The following KRT33A variants were observed in gnomAD, a reference collection of about 807,000 sequenced individuals.
The protein encoded by KRT33A is keratin 33A, also known as keratin, type I cuticular Ha3-I.
A neutral mutation model predicts 41.1 loss-of-function variants in KRT33A; 44 were observed. The ratio of observed to expected loss-of-function variants is 1.07; its 90% confidence interval spans 0.84 to 1.38. KRT33A has a LOEUF of 1.38. Ranked by LOEUF, KRT33A falls within the 40% of genes most tolerant of loss-of-function variation. The pLI is 0.00. For missense variants in KRT33A, 536 were observed against 518.5 expected, an observed-to-expected ratio of 1.03 and a Z score of -0.33; for synonymous variants, 229 against 227.8, an observed-to-expected ratio of 1.01 and a Z score of -0.05.
In KRT33A at chr17:41,346,209, G is replaced by T; in HGVS notation, c.1125C>A (p.Thr375=). The T allele has an allele frequency of 6.2e-7, 1 of 1,614,154 alleles. No homozygotes were observed. The highest frequency in any genetic ancestry group is 8.5e-7 in the Non-Finnish European group (1 of 1,180,016). ...CKLPSNPCAT[T]NACDKSTGPC... is the part of the protein sequence containing the mutation. The stretch of plus-strand genomic sequence containing the variant: ...GCCCAGTGGACTTGTCACATGCATT[G>T]GTTGTGGCGCAGGGGTTGGAGGGGA... Residue 375 remains threonine (T), a synonymous_variant, in exon 7 of 7, where the codon ACC becomes ACA. Transcript: ENST00000007735.
At position 41,346,578 on chromosome 17, in the gene KRT33A, A is replaced by T; in HGVS notation, c.967T>A (p.Ser323Thr). 3 of 1,613,966 alleles carry T rather than the reference A, an allele frequency of 1.9e-6. No individual in the cohort carries two copies. The highest frequency in any genetic ancestry group is 2.5e-6 in the Non-Finnish European group (3 of 1,179,976). Reference sequence around the variant, plus strand: ...TCACTGCGGATCTCCGCCAGCTGGGACTCCACGTTGGTGATCAGTCTCTGC... The same window carrying T: ...TCACTGCGGATCTCCGCCAGCTGGGTCTCCACGTTGGTGATCAGTCTCTGC... ...QVQRLITNVE[S>T]QLAEIRSDLE... Residue 323 changes from serine (S) to threonine (T), a missense_variant, in exon 6 of 7, where the codon TCC becomes ACC. By Grantham distance (58) the Ser-to-Thr change is moderately conservative (BLOSUM62 1). Coordinates refer to ENST00000007735, the MANE Select transcript of KRT33A (RefSeq NM_004138.4).
chr17:41,346,243 G>A lies in KRT33A; in HGVS notation c.1098-7C>T. The stretch of plus-strand genomic sequence containing the variant: ...GCAGGGGTTGGAGGGGAGCCTGTGG[G>A]CAGAAAATCATTGGAGCAAGTTAGA... On this transcript the variant is annotated splice_polypyrimidine_tract_variant and splice_region_variant and intron_variant, in intron 6 of 6. Transcript: ENST00000007735. The A allele has an allele frequency of 6.2e-7, 1 of 1,612,774 alleles. No homozygotes were observed. Among genetic ancestry groups the A allele is most frequent in the South Asian group, 1.1e-5 (1 of 91,060 alleles).
chr17:41,346,304 G>T (rs1238071452), intron 6 of KRT33A, 68 bp from the exon 7 acceptor site: 2 of 1,576,124 alleles, frequency 1.3e-6, no homozygotes, highest in Non-Finnish European at 1.7e-6. Flanking sequence ...AATACTAAAA[G>T]GGCTTTGTGT....
At chr17:41,348,661 G>A in intron 2 of KRT33A, 22 bp from the exon 3 acceptor site, 1 of 1,613,400 alleles carries the variant, frequency 6.2e-7, no homozygotes, top group Non-Finnish European at 8.5e-7. Flanking sequence ...GGAGGGTCAG[G>A]AACAGGCTGG....
intron 3 of KRT33A, 144 bp from the exon 4 acceptor site, chr17:41,347,366 A>G (rs192035866): frequency 2.0e-6 from 2 of 1,017,670 alleles, no homozygotes; most frequent in East Asian, 2.7e-5. Flanking sequence ...ATCTATATTC[A>G]ATGACTAATT....
At position 41,348,525 on chromosome 17, in the gene KRT33A, GGACTC is replaced by G. The variant is rs2017457162; in HGVS notation, c.541_545del (p.Glu181ProfsTer13). On this transcript the variant is annotated frameshift_variant, in exon 3 of 7. Coordinates refer to ENST00000007735, the MANE Select transcript of KRT33A (RefSeq NM_004138.4). LOFTEE classifies it high-confidence loss of function. The stretch of plus-strand genomic sequence containing the variant: ...TGAGGCACAGCAGCTCCTCCTTCAG[GGACTC>G]CACCTGGGCCTCCAGGTCAGACCTG... 6.2e-7 allele frequency: 1 copy of G among 1,613,728 alleles called. No individual in the cohort carries two copies. The highest frequency in any genetic ancestry group is 8.5e-7 in the Non-Finnish European group (1 of 1,179,994).
chr17:41,350,826 G>T lies in KRT33A; in HGVS notation c.-59C>A. ...GTCCAAAATCTCCAGGTTGTAGAGCGGTGGGTCTCCTTCCTCCAGGGAGCA... is the reference window on the plus strand; with the variant it reads ...GTCCAAAATCTCCAGGTTGTAGAGCTGTGGGTCTCCTTCCTCCAGGGAGCA... On this transcript the variant is annotated 5_prime_UTR_variant, in exon 1 of 7. Coordinates refer to ENST00000007735, the MANE Select transcript of KRT33A (RefSeq NM_004138.4). 1.3e-6 allele frequency: 2 copies of T among 1,539,538 alleles called. No homozygotes were observed. Among genetic ancestry groups the T allele is most frequent in the Non-Finnish European group, 1.8e-6 (2 of 1,140,040 alleles).
intron 3 of KRT33A, 40 bp downstream of exon 3, chr17:41,348,443 T>A: frequency 6.2e-7 from 1 of 1,611,670 alleles, no homozygotes; most frequent in Non-Finnish European, 8.5e-7. Flanking sequence ...GTGAAACAGG[T>A]CCTGGCTAGT....
intron 2 of KRT33A, among the ~76,000 whole-genome samples, chr17:41,348,994 T>C (rs147133049): frequency 7.9e-5 from 12 of 152,104 alleles, no homozygotes; most frequent in African/African-American, 2.4e-4. Flanking sequence ...AGCCAGTGGA[T>C]TTAGGATAAA....
intron 3 of KRT33A, among the ~76,000 whole-genome samples, 179 bp downstream of exon 3, chr17:41,348,304 G>C (rs1302659172): frequency 6.6e-6 from 1 of 152,216 alleles, no homozygotes; most frequent in Non-Finnish European, 1.5e-5. Flanking sequence ...GCCTCTGGCA[G>C]AAAAATCCTA....
chr17:41,349,515 G>C, intron 1 of KRT33A, 87 bp from the exon 2 acceptor site: 1 of 1,323,498 alleles, frequency 7.6e-7, no homozygotes. Context: ...TCCTTGGAAG[G>C]ATCAGGATGT....
rs780998728 is a variant in KRT33A, at chr17:41,350,378, C to T, written c.348+42G>A. ...CTCAATCACAACTCGGATTCTCTCC[C>T]GACAACTTCCTACTGGAGGCACTGT... On this transcript the variant is annotated intron_variant, in intron 1 of 6. Coordinates refer to ENST00000007735, the MANE Select transcript of KRT33A (RefSeq NM_004138.4). 1.1e-5 allele frequency: 17 copies of T among 1,593,916 alleles called. No homozygotes were observed. In the Admixed American group the frequency reaches 1.5e-4, roughly 14 times the overall value.
In KRT33A at chr17:41,350,657, G is replaced by A. The variant is rs1415556836; in HGVS notation, c.111C>T (p.Ile37=). ...AGTTGCAGTTGCTCACATTGGCGGG[G>A]ATGTTGCAGGCCCCGGGCAGGGTGC... ...HGCTLPGACN[I]PANVSNCNWF... is the part of the protein sequence containing the mutation. The change falls in exon 1 of 7, where the codon ATC becomes ATT. Residue 37 remains isoleucine (I), a synonymous_variant. Coordinates refer to ENST00000007735, the MANE Select transcript of KRT33A (RefSeq NM_004138.4). The A allele has an allele frequency of 6.2e-7, 1 of 1,612,294 alleles. No homozygotes were observed. The highest frequency in any genetic ancestry group is 8.5e-7 in the Non-Finnish European group (1 of 1,180,030).
chr17:41,349,574 T>C lies in KRT33A; in HGVS notation c.349-146A>G, dbSNP rs895958386. The C allele has an allele frequency of 7.1e-6, 5 of 706,200 alleles. No individual in the cohort carries two copies. The African/African-American group carries it at 8.9e-5, about 13-fold the overall frequency. The allele number at this position is 706,200 out of a possible 1,614,324, so 43.7% of individuals were successfully genotyped here. A position where few individuals can be genotyped will look rare whatever the true frequency, so the allele number is the denominator to read the frequency against. On this transcript the variant is annotated intron_variant, in intron 1 of 6. Coordinates refer to ENST00000007735, the MANE Select transcript of KRT33A (RefSeq NM_004138.4). ...ATACAGCAGGTACTCAATGAATATTTCCAAAATTATATTCAAAAAAAGAAC... is the reference window on the plus strand; with the variant it reads ...ATACAGCAGGTACTCAATGAATATTCCCAAAATTATATTCAAAAAAAGAAC...
In KRT33A at chr17:41,346,901, G is replaced by T. The variant is rs531117731; in HGVS notation, c.819C>A (p.Ile273=). The stretch of plus-strand genomic sequence containing the variant: ...GGGCATTGACCGTGCGTCTCAGCTC[G>T]ATGATCTCCGCCTGGTAGGACTGCA... ...EQLQSYQAEI[I]ELRRTVNALE... Residue 273 remains isoleucine (I), a synonymous_variant, in exon 5 of 7, where the codon ATC becomes ATA. Transcript: ENST00000007735. The T allele has an allele frequency of 4.3e-6, 7 of 1,613,108 alleles. No individual in the cohort carries two copies. In the Admixed American group the frequency reaches 1.2e-4, roughly 27 times the overall value.
At position 41,350,781 on chromosome 17, in the gene KRT33A, A is replaced by C; in HGVS notation, c.-14T>G. 1 of 1,603,138 alleles carries C rather than the reference A, an allele frequency of 6.2e-7. No homozygotes were observed. ...ACTGTAAGACATGGTGCAGGGAGGGAGTGTCCAGCTGAAGACAGAGTCCAA... is the reference window on the plus strand; with the variant it reads ...ACTGTAAGACATGGTGCAGGGAGGGCGTGTCCAGCTGAAGACAGAGTCCAA... On this transcript the variant is annotated 5_prime_UTR_variant, in exon 1 of 7. Coordinates refer to ENST00000007735, the MANE Select transcript of KRT33A (RefSeq NM_004138.4).
In KRT33A at chr17:41,347,157, A is replaced by G. The variant is rs777537572; in HGVS notation, c.654T>C (p.Thr218=). Residue 218 remains threonine, a synonymous_variant, in exon 4 of 7, where the codon ACT becomes ACC. Transcript: ENST00000007735. ...RLNVEVDAAP[T]VDLNQVLNET... ...CATTCAGGACCTGGTTCAGGTCCAC[A>G]GTGGGAGCAGCGTCCACCTCCACGT... The G allele has an allele frequency of 7.4e-6, 12 of 1,614,092 alleles. No individual in the cohort carries two copies. The highest frequency in any genetic ancestry group is 9.3e-6 in the Non-Finnish European group (11 of 1,180,036).
chr17:41,349,061 GA>G (rs972293131), intron 2 of KRT33A, among the ~76,000 whole-genome samples: 83 of 152,184 alleles, frequency 5.5e-4, no homozygotes, highest in African/African-American at 2.0e-3. Context: ...CCATTCTCAT[GA>G]ATGGGTTCTG....
intron 3 of KRT33A, 114 bp downstream of exon 3, chr17:41,348,369 G>T: frequency 9.4e-7 from 1 of 1,064,420 alleles, no homozygotes; most frequent in Non-Finnish European, 1.4e-6. Flanking sequence ...CTTTTTGTAT[G>T]CAGAATTACT....
Sources: gnomAD v4.1 joint callset for allele counts (sites outside exome capture counted in the v4.1 genomes callset) on GRCh38, gnomAD v4.1.1 for gene constraint, MANE v1.5 for transcripts, NCBI Gene and HGNC (gene_info 2026-07-23, HGNC 2026-07-21) for gene names.